The following MON2 variants were observed in gnomAD, a reference collection of about 807,000 sequenced individuals.
MON2 encodes the protein MON2 regulator of endosome-to-Golgi trafficking.
MON2 carries 84 observed loss-of-function variants against 208.6 expected under a neutral mutation model. That is an observed-to-expected ratio of 0.40 (90% CI 0.34 to 0.48). The LOEUF is 0.48. Among genes scored for constraint, MON2 ranks in the 20% least tolerant of loss-of-function variants. The pLI, the probability that MON2 is intolerant of heterozygous loss-of-function variation, is 0.59. For missense variants in MON2, 1,611 were observed against 2,015.4 expected (o/e 0.80, Z 3.84); for synonymous variants, 660 against 694.0 (o/e 0.95, Z 0.77).
intron 11 of MON2, among the ~76,000 whole-genome samples, chr12:62,530,278 T>G (rs1365049864): frequency 6.7e-6 from 1 of 150,176 alleles, no homozygotes; most frequent in African/African-American, 2.5e-5. Flanking sequence ...TCACCCAGGC[T>G]GGAGTGCAGT....
chr12:62,548,194 T>C (rs983333509), intron 22 of MON2, among the ~76,000 whole-genome samples: 1 of 152,032 alleles, frequency 6.6e-6, no homozygotes, highest in African/African-American at 2.4e-5. Context: ...GAAGGGAAGG[T>C]AGGAAATGAG....
chr12:62,560,355 G>A lies in MON2; in HGVS notation c.3410-136G>A, dbSNP rs1331133815. On this transcript the variant is annotated intron_variant, in intron 25 of 34. Coordinates refer to ENST00000393630, the MANE Select transcript of MON2 (RefSeq NM_015026.3). ...TTTAATTCCCATTGTTAGTACCTTA[G>A]TACCTAGTCATATATTTTCCAGTTC... 28 of 854,570 alleles carry A rather than the reference G, an allele frequency of 3.3e-5. No individual in the cohort carries two copies. In the East Asian group the frequency reaches 6.7e-4, roughly 20 times the overall value. 52.9% of individuals were successfully genotyped at this position (854,570 alleles called of 1,614,324 possible). A position where few individuals can be genotyped will look rare whatever the true frequency, so the allele number is the denominator to read the frequency against.
rs745974377 is a variant in MON2, at chr12:62,566,313, A to G, written c.4195-9A>G. 1.9e-6 allele frequency: 3 copies of G among 1,599,552 alleles called. No homozygotes were observed. The highest frequency in any genetic ancestry group is 2.6e-6 in the Non-Finnish European group (3 of 1,175,774). On this transcript the variant is annotated splice_polypyrimidine_tract_variant and intron_variant, in intron 28 of 34. Coordinates refer to ENST00000393630, the MANE Select transcript of MON2 (RefSeq NM_015026.3). The stretch of plus-strand genomic sequence containing the variant: ...ATTTTTAACTGCATGTGAAAATATT[A>G]CTTTCTAGGCGGAATGGGTAGCCTT...
At chr12:62,490,913 A>G (rs914185605) in intron 2 of MON2, among the ~76,000 whole-genome samples, 1 of 141,052 alleles carries the variant, frequency 7.1e-6, no homozygotes, top group Admixed American at 7.0e-5. Context: ...GCATTTCACC[A>G]TGACTCACCT....
intron 30 of MON2, among the ~76,000 whole-genome samples, chr12:62,572,548 C>G (rs1000465970): frequency 1.3e-5 from 2 of 152,174 alleles, no homozygotes; most frequent in Non-Finnish European, 2.9e-5. Context: ...CAGGCTCAAG[C>G]AATCCTCTCA....
chr12:62,497,099 T>C (rs1038934423), intron 4 of MON2, among the ~76,000 whole-genome samples: 3 of 136,780 alleles, frequency 2.2e-5, no homozygotes, highest in Non-Finnish European at 4.7e-5. Flanking sequence ...TAGGTGGGAA[T>C]TGAACAATGA....
intron 26 of MON2, 164 bp from the exon 27 acceptor site, chr12:62,565,073 A>G (rs564872134): frequency 4.0e-5 from 25 of 619,514 alleles, no homozygotes; most frequent in Admixed American, 6.7e-5. Context: ...ACTTTATTCT[A>G]TAACAGTTTA....
At chr12:62,560,416 C>A (rs747119802) in intron 25 of MON2, 75 bp from the exon 26 acceptor site, 2 of 1,410,276 alleles carry the variant, frequency 1.4e-6, no homozygotes, top group Non-Finnish European at 1.9e-6. Context: ...AGCAAATATG[C>A]TTTCAAGTGT....
At chr12:62,524,462 A>G in intron 8 of MON2, 53 bp from the exon 9 acceptor site, 1 of 1,433,102 alleles carries the variant, frequency 7.0e-7, no homozygotes. Context: ...AACACAGTCT[A>G]TAATTCTTCT....
At chr12:62,478,239 G>A (rs2069202262) in intron 1 of MON2, among the ~76,000 whole-genome samples, 1 of 152,036 alleles carries the variant, frequency 6.6e-6, no homozygotes, top group East Asian at 1.9e-4. Context: ...GAAAGGCACT[G>A]GGATAGACAA....
chr12:62,487,425 C>T (rs1480131166), intron 2 of MON2, among the ~76,000 whole-genome samples: 1 of 151,932 alleles, frequency 6.6e-6, no homozygotes, highest in African/African-American at 2.4e-5. Flanking sequence ...GTATATTTAG[C>T]CCCTACCCCA....
intron 11 of MON2, among the ~76,000 whole-genome samples, chr12:62,530,404 G>T (rs973374087): frequency 2.6e-5 from 4 of 151,488 alleles, no homozygotes; most frequent in African/African-American, 9.7e-5. Context: ...CTAATTTTTT[G>T]TATTTTTTAG....
chr12:62,551,309 T>C (rs973348372), intron 23 of MON2, among the ~76,000 whole-genome samples: 15 of 152,264 alleles, frequency 9.9e-5, no homozygotes, highest in African/African-American at 3.6e-4. Context: ...GTAGGGTTAT[T>C]AATTGGCCTA....
intron 30 of MON2, among the ~76,000 whole-genome samples, chr12:62,572,504 A>G (rs933186001): frequency 5.3e-5 from 8 of 152,212 alleles, no homozygotes; most frequent in African/African-American, 1.9e-4. Context: ...CAAGTGCAGC[A>G]GTGTGATCAC....
At chr12:62,502,206 C>A (rs1405191639) in intron 7 of MON2, among the ~76,000 whole-genome samples, 1 of 151,968 alleles carries the variant, frequency 6.6e-6, no homozygotes, top group East Asian at 1.9e-4. Flanking sequence ...GGCGACAGAG[C>A]AAGACTCTGT....
At chr12:62,547,416 G>T (rs1482290730) in intron 22 of MON2, among the ~76,000 whole-genome samples, 2 of 152,082 alleles carry the variant, frequency 1.3e-5, no homozygotes, top group Non-Finnish European at 2.9e-5. Flanking sequence ...CAAAGATTGG[G>T]CTGTTGTGTT....
In MON2 at chr12:62,558,397, C is replaced by T. The variant is rs574393757; in HGVS notation, c.3410-2094C>T. ...AAGTTTTATATTTTTAACATAACCACGTGCAATATATAATTATATCTACTC... is the reference window on the plus strand; with the variant it reads ...AAGTTTTATATTTTTAACATAACCATGTGCAATATATAATTATATCTACTC... On this transcript the variant is annotated intron_variant, in intron 25 of 34. Coordinates refer to ENST00000393630, the MANE Select transcript of MON2 (RefSeq NM_015026.3). Among the ~76,000 whole-genome samples, 132 of 152,056 alleles carry T rather than the reference C, an allele frequency of 8.7e-4. No individual in the cohort carries two copies. In the Middle Eastern group the frequency reaches 0.024, roughly 27 times the overall value.
intron 1 of MON2, among the ~76,000 whole-genome samples, chr12:62,474,638 G>C (rs2135959015): frequency 6.6e-6 from 1 of 151,910 alleles, no homozygotes; most frequent in East Asian, 1.9e-4. Context: ...TGGTCAGGCT[G>C]GTCTCAAACT....
At chr12:62,566,919 C>T (rs763581836) in intron 29 of MON2, among the ~76,000 whole-genome samples, 4 of 152,148 alleles carry the variant, frequency 2.6e-5, no homozygotes, top group Non-Finnish European at 5.9e-5. Context: ...TACATTTTCC[C>T]ACATAACCCA....
Sources: gnomAD v4.1 joint callset for allele counts (sites outside exome capture counted in the v4.1 genomes callset) on GRCh38, gnomAD v4.1.1 for gene constraint, MANE v1.5 for transcripts, NCBI Gene and HGNC (gene_info 2026-07-23, HGNC 2026-07-21) for gene names.